The following NRXN1 variants were observed in gnomAD, a reference collection of about 807,000 sequenced individuals.
The protein encoded by NRXN1 is neurexin-1.
NRXN1 carries 39 observed loss-of-function variants against 150.9 expected under a neutral mutation model. That is an observed-to-expected ratio of 0.26 (90% CI 0.20 to 0.34). The LOEUF (loss-of-function observed/expected upper bound fraction) is 0.34, where lower values mean the gene tolerates loss of function less well. NRXN1 is among the 10% of genes least tolerant of loss of function. The pLI, the probability that NRXN1 is intolerant of heterozygous loss-of-function variation, is 1.00. For synonymous variants in NRXN1, 924 were observed against 757.0 expected (o/e 1.22, Z -3.62); for missense variants, 1,815 against 1,949.9 (o/e 0.93, Z 1.30).
chr2:49,979,232 G>C (rs1456824024), intron 21 of NRXN1, among the ~76,000 whole-genome samples: 1 of 152,176 alleles, frequency 6.6e-6, no homozygotes, highest in Non-Finnish European at 1.5e-5. Context: ...AGGAGGTGGA[G>C]GTTGCAGTAA....
intron 17 of NRXN1, among the ~76,000 whole-genome samples, chr2:50,375,037 A>C (rs548707748): frequency 2.4e-4 from 37 of 152,316 alleles, no homozygotes; most frequent in African/African-American, 8.9e-4. Context: ...CCCTAAAAAT[A>C]AGTGCAATTT....
intron 18 of NRXN1, among the ~76,000 whole-genome samples, chr2:50,117,788 C>T (rs1300783907): frequency 7.2e-6 from 1 of 139,554 alleles, no homozygotes; most frequent in Non-Finnish European, 1.6e-5. Context: ...AAAAAAAAAA[C>T]AACCAACTGT....
intron 5 of NRXN1, among the ~76,000 whole-genome samples, chr2:50,874,188 G>T (rs1678217487): frequency 6.6e-6 from 1 of 151,836 alleles, no homozygotes; most frequent in South Asian, 2.1e-4. Flanking sequence ...TCTTAGTTCA[G>T]ATGCCATCTT....
chr2:50,027,601 C>G (rs1382518908), intron 21 of NRXN1, among the ~76,000 whole-genome samples: 2 of 152,092 alleles, frequency 1.3e-5, no homozygotes, highest in South Asian at 4.1e-4. Flanking sequence ...GCCACCATGT[C>G]CTCCTAATTT....
chr2:50,382,390 T>TGATA (rs2081035105), intron 17 of NRXN1, among the ~76,000 whole-genome samples: 2 of 152,218 alleles, frequency 1.3e-5, no homozygotes, highest in South Asian at 4.1e-4. Flanking sequence ...TGACAATCTC[T>TGATA]GATAATCTGT....
At chr2:50,221,033 G>A (rs2063844174) in intron 18 of NRXN1, among the ~76,000 whole-genome samples, 1 of 151,958 alleles carries the variant, frequency 6.6e-6, no homozygotes, top group South Asian at 2.1e-4. Context: ...GAGCATCCTT[G>A]AAGGTGCTCC....
rs574153085 is a variant in NRXN1, at chr2:50,793,962, G to A, written c.832+127907C>T. On this transcript the variant is annotated intron_variant, in intron 5 of 22. Transcript: ENST00000401669. ...CAGGGGACATTTGACAATGTTTGTA[G>A]ACATTTTTGTTTGTTACAAGTGGAG... Among the ~76,000 whole-genome samples the A allele has an allele frequency of 9.9e-5, 15 of 152,174 alleles. No homozygotes were observed. In the South Asian group the frequency reaches 2.7e-3, roughly 27 times the overall value.
intron 2 of NRXN1, among the ~76,000 whole-genome samples, chr2:50,965,855 A>AT (rs1693987495): frequency 6.6e-6 from 1 of 151,596 alleles, no homozygotes; most frequent in Non-Finnish European, 1.5e-5. Flanking sequence ...AGTGTTCATT[A>AT]TTTTTTAGGC....
chr2:50,355,157 G>C (rs934084831), intron 17 of NRXN1, among the ~76,000 whole-genome samples: 96 of 151,352 alleles, frequency 6.3e-4, no homozygotes, highest in Non-Finnish European at 1.0e-4. Context: ...GCACTGAGAG[G>C]AACTTAATCA....
chr2:50,107,539 A>ATATATTTTTTTT (rs59921941), intron 18 of NRXN1, among the ~76,000 whole-genome samples: 2 of 129,884 alleles, frequency 1.5e-5, no homozygotes, highest in South Asian at 2.5e-4. Flanking sequence ...ATATATATAT[A>ATATATTTTTTTT]TTTTTTTTTT....
At chr2:50,215,357 C>T (rs1468459600) in intron 18 of NRXN1, among the ~76,000 whole-genome samples, 1 of 152,010 alleles carries the variant, frequency 6.6e-6, no homozygotes, top group Non-Finnish European at 1.5e-5. Flanking sequence ...TGTTATGTGT[C>T]AGTGCGATTC....
chr2:50,679,478 GT>G, intron 5 of NRXN1, among the ~76,000 whole-genome samples: 1 of 152,196 alleles, frequency 6.6e-6, no homozygotes, highest in African/African-American at 2.4e-5. Flanking sequence ...TTTTAGTGTG[GT>G]TTCATTGCTT....
intron 5 of NRXN1, among the ~76,000 whole-genome samples, chr2:50,850,034 C>T (rs1331673585): frequency 1.3e-5 from 2 of 151,832 alleles, no homozygotes; most frequent in East Asian, 1.9e-4. Flanking sequence ...AGTGAGACCT[C>T]ACTTCTACAA....
chr2:50,922,778 A>T (rs951812173), intron 3 of NRXN1, 91 bp from the exon 4 acceptor site: 1 of 1,243,342 alleles, frequency 8.0e-7, no homozygotes, highest in Non-Finnish European at 1.2e-6. Flanking sequence ...AGTGACAGAC[A>T]TCTCTTTTCC....
intron 2 of NRXN1, among the ~76,000 whole-genome samples, chr2:50,927,919 G>C (rs1218968703): frequency 6.6e-6 from 1 of 151,850 alleles, no homozygotes; most frequent in Non-Finnish European, 1.5e-5. Context: ...AAATGAAACA[G>C]GCCCAGGCCT....
At chr2:50,538,853 C>T (rs750315428) in intron 9 of NRXN1, among the ~76,000 whole-genome samples, 59 of 143,706 alleles carry the variant, frequency 4.1e-4, no homozygotes, top group Non-Finnish European at 7.9e-4. Context: ...TCCATTTGAA[C>T]TCGAGAATGG....
chr2:50,081,527 G>A (rs557468628), intron 19 of NRXN1, among the ~76,000 whole-genome samples: 7 of 152,224 alleles, frequency 4.6e-5, no homozygotes, highest in Non-Finnish European at 8.8e-5. Context: ...ACTCCAGCCC[G>A]GTGATAGAGC....
intron 18 of NRXN1, among the ~76,000 whole-genome samples, chr2:50,130,815 T>C (rs940148368): frequency 2.6e-5 from 4 of 152,212 alleles, no homozygotes; most frequent in African/African-American, 7.2e-5. Flanking sequence ...AAATCCTGCT[T>C]CATATATCCT....
chr2:50,834,746 T>C (rs1168094567), intron 5 of NRXN1, among the ~76,000 whole-genome samples: 2 of 152,178 alleles, frequency 1.3e-5, no homozygotes, highest in African/African-American at 2.4e-5. Context: ...TCTGTGTGCG[T>C]ATCTTAGATT....
Sources: allele counts gnomAD v4.1 joint callset (sites outside exome capture counted in the v4.1 genomes callset), GRCh38; gene constraint gnomAD v4.1.1; transcripts MANE v1.5; gene names NCBI Gene and HGNC (gene_info 2026-07-23, HGNC 2026-07-21).